Variants in HSPG2 observed in about 807,000 individuals in gnomAD.
HSPG2 encodes heparan sulfate proteoglycan 2.
A neutral mutation model predicts 526.6 loss-of-function variants in HSPG2; 278 were observed. That is an observed-to-expected ratio of 0.53 (90% confidence interval 0.48 to 0.58). The LOEUF (loss-of-function observed/expected upper bound fraction) is 0.58, where lower values mean the gene tolerates loss of function less well. Ranked by LOEUF, HSPG2 falls within the 20% of genes least tolerant of loss-of-function variation. The pLI, the probability that HSPG2 is intolerant of heterozygous loss-of-function variation, is 0.00. For missense variants in HSPG2, 5,354 were observed against 6,099.5 expected (o/e 0.88, Z 4.07); for synonymous variants, 2,465 against 2,555.4 (o/e 0.96, Z 1.07).
chr1:21,844,740 A>G (rs564483367), intron 64 of HSPG2, among the ~76,000 whole-genome samples: 13 of 152,320 alleles, frequency 8.5e-5, no homozygotes, highest in African/African-American at 3.1e-4. Context: ...CCATCTGTAA[A>G]ATGGAGAGAA....
intron 3 of HSPG2, among the ~76,000 whole-genome samples, chr1:21,894,063 A>G (rs2152770648): frequency 6.6e-6 from 1 of 152,148 alleles, no homozygotes; most frequent in South Asian, 2.1e-4. Flanking sequence ...ACATGCCGAC[A>G]AGGGTCAGAG....
intron 3 of HSPG2, among the ~76,000 whole-genome samples, chr1:21,892,389 T>A (rs1433550179): frequency 6.6e-6 from 1 of 152,250 alleles, no homozygotes; most frequent in Non-Finnish European, 1.5e-5. Flanking sequence ...TGCCCGCTCC[T>A]GGGGAAGGGG....
chr1:21,878,538 A>G (rs1224993061), intron 19 of HSPG2, 39 bp downstream of exon 19: 2 of 1,613,810 alleles, frequency 1.2e-6, no homozygotes, highest in African/African-American at 2.7e-5. Context: ...GACCCCACCC[A>G]GGAGCCCCCT....
chr1:21,842,903 G>A lies in HSPG2; in HGVS notation c.8777C>T (p.Pro2926Leu), dbSNP rs747645588. ...GPIPAPGLAQ[P>L]IYIEASSSHV... The stretch of plus-strand genomic sequence containing the variant: ...TGAAGAGGAGGCCTCGATGTAGATG[G>A]GCTGGGCCAGTCCTGGAGCTGTGGG... The change falls in exon 67 of 97, where the codon CCC becomes CTC. Residue 2926 changes from proline to leucine, a missense_variant. By Grantham distance (98) the Pro-to-Leu change is moderately conservative. Coordinates refer to ENST00000374695, the MANE Select transcript of HSPG2 (RefSeq NM_005529.7). The A allele has an allele frequency of 1.9e-6, 3 of 1,614,034 alleles. No individual in the cohort carries two copies. The Admixed American group carries it at 5.0e-5, about 27-fold the overall frequency.
chr1:21,930,321 G>A (rs72662467), intron 1 of HSPG2, among the ~76,000 whole-genome samples: 3,437 of 152,080 alleles, frequency 0.023, 59 homozygotes, highest in Non-Finnish European at 0.033. Flanking sequence ...TACCTACCCC[G>A]CCTCATCACT....
intron 3 of HSPG2, among the ~76,000 whole-genome samples, chr1:21,892,846 G>A (rs373919310): frequency 8.0e-6 from 1 of 124,938 alleles, no homozygotes; most frequent in African/African-American, 3.1e-5. Flanking sequence ...CTGGGTGACA[G>A]AGTGAGACTC....
Position 21,865,306 on chromosome 1 carries a change from G to GCTC in HSPG2, c.4371_4373dup (p.Arg1457dup), listed in dbSNP as rs774410187. The GCTC allele has an allele frequency of 1.2e-6, 2 of 1,614,062 alleles. No homozygotes were observed. Among genetic ancestry groups the GCTC allele is most frequent in the South Asian group, 2.2e-5 (2 of 91,068 alleles). On this transcript the variant is annotated inframe_insertion, in exon 35 of 97. Transcript: ENST00000374695. This position sits in a 1 kb window ranked among gnomAD's most constrained non-coding sequence, Gnocchi z 5.4. ...TTACCTCTCGGAACATGATCTCGTA[G>GCTC]CTCCTCCTCTCAGGGCCCTGCAGCG...
intron 1 of HSPG2, among the ~76,000 whole-genome samples, chr1:21,920,249 G>A (rs932738593): frequency 1.1e-4 from 17 of 152,258 alleles, no homozygotes; most frequent in African/African-American, 3.9e-4. Flanking sequence ...GTCCACTGAG[G>A]TTGAGGGGTT....
chr1:21,839,429 G>A lies in HSPG2; in HGVS notation c.9831C>T (p.Ile3277=). The change falls in exon 73 of 97, where the codon ATC becomes ATT. Residue 3277 remains isoleucine (I), a synonymous_variant. Transcript: ENST00000374695. This position sits in a 1 kb window ranked among gnomAD's most constrained non-coding sequence, Gnocchi z 4.5. ...RVAQQDSGQY[I]CNATSPAGHA... is the part of the protein sequence containing the mutation. ...GCCCAGCAGGGCTAGTGGCATTGCA[G>A]ATGTACTGGCCCGAGTCCTGCTGGG... 1 of 1,614,060 alleles carries A rather than the reference G, an allele frequency of 6.2e-7. No individual in the cohort carries two copies. The highest frequency in any genetic ancestry group is 8.5e-7 in the Non-Finnish European group (1 of 1,179,998).
intron 75 of HSPG2, among the ~76,000 whole-genome samples, chr1:21,836,163 G>A (rs1164056702): frequency 2.0e-5 from 3 of 152,110 alleles, no homozygotes; most frequent in Admixed American, 2.0e-4. Context: ...AGATTACACA[G>A]TTATCAAGTA....
At position 21,864,799 on chromosome 1, in the gene HSPG2, C is replaced by T. The variant is rs759184804; in HGVS notation, c.4626+44G>A. ...ACGCCGGCTGATTTGCTTGCTGATG[C>T]CTCTGTGCCTGTGCAGAGGTGGTGG... is the stretch of plus-strand genomic sequence containing the variant. On this transcript the variant is annotated intron_variant, in intron 36 of 96. Transcript: ENST00000374695. This position sits in a 1 kb window ranked among gnomAD's most constrained non-coding sequence, Gnocchi z 4.8. The T allele has an allele frequency of 1.2e-5, 18 of 1,513,364 alleles. No homozygotes were observed. The highest frequency in any genetic ancestry group is 1.6e-5 in the Non-Finnish European group (18 of 1,102,784). The allele number at this position is 1,513,364 out of a possible 1,614,324, so 93.7% of individuals were successfully genotyped here.
At chr1:21,857,448 T>A (rs548612790) in intron 42 of HSPG2, 63 bp from the exon 43 acceptor site, 2 of 1,442,082 alleles carry the variant, frequency 1.4e-6, no homozygotes, top group African/African-American at 2.8e-5. Context: ...TGTGGCCACT[T>A]TGTCTTTCTC....
chr1:21,856,428 A>AT (rs1207035028), intron 44 of HSPG2, among the ~76,000 whole-genome samples: 1 of 150,638 alleles, frequency 6.6e-6, no homozygotes, highest in African/African-American at 2.5e-5. Context: ...TATTTTATTT[A>AT]TTTTTCTGAG....
In HSPG2 at chr1:21,828,552, G is replaced by T. The variant is rs571263298; in HGVS notation, c.12238-126C>A. 41 of 1,039,390 alleles carry T rather than the reference G, an allele frequency of 3.9e-5. No individual in the cohort carries two copies. Among genetic ancestry groups the T allele is most frequent in the Non-Finnish European group, 5.0e-5 (35 of 703,358 alleles). The allele number at this position is 1,039,390 out of a possible 1,614,324, so 64.4% of individuals were successfully genotyped here. A position where few individuals can be genotyped will look rare whatever the true frequency, so the allele number is the denominator to read the frequency against. On this transcript the variant is annotated intron_variant, in intron 88 of 96. Transcript: ENST00000374695. This position sits in a 1 kb window ranked among gnomAD's most constrained non-coding sequence, Gnocchi z 6.0. ...ACATTGGGCCCTGAGTGGTAGCATG[G>T]ATTCTCGGTGTGGGGAGGGAGGCGC...
In HSPG2 at chr1:21,828,222, C is replaced by T. The variant is rs780204445; in HGVS notation, c.12409+33G>A. On this transcript the variant is annotated intron_variant, in intron 89 of 96. Transcript: ENST00000374695. The surrounding 1 kb of genome is among the most constrained non-coding windows in gnomAD (Gnocchi z 6.0). ...GAGGTGTCGCTGACCACCTGTGCCC[C>T]TCCCCTCCGGTGCCCTGGGCAGGCT... The T allele has an allele frequency of 6.2e-7, 1 of 1,613,158 alleles. No homozygotes were observed. The highest frequency in any genetic ancestry group is 1.1e-5 in the South Asian group (1 of 91,074).
In HSPG2 at chr1:21,879,129, A is replaced by G. The variant is rs748540440; in HGVS notation, c.2344-8T>C. The G allele has an allele frequency of 6.2e-7, 1 of 1,614,142 alleles. No homozygotes were observed. The highest frequency in any genetic ancestry group is 2.2e-5 in the East Asian group (1 of 44,880). ...CGTGTTGTGCTGGCAATTCTAGAAG[A>G]AGGAGGAGGGTATGGCTCAACTTCT... On this transcript the variant is annotated splice_region_variant and splice_polypyrimidine_tract_variant and intron_variant, in intron 17 of 96. Coordinates refer to ENST00000374695, the MANE Select transcript of HSPG2 (RefSeq NM_005529.7).
chr1:21,865,204 AG>A lies in HSPG2; in HGVS notation c.4395+80del. 6.6e-7 allele frequency: 1 copy of A among 1,514,586 alleles called. No individual in the cohort carries two copies. The allele number at this position is 1,514,586 out of a possible 1,614,324, so 93.8% of individuals were successfully genotyped here. ...AGGTGAAGGTTGGGGAGCGAGAGAC[AG>A]GGTGGGTATCAAAGCCAGGCTCTGA... On this transcript the variant is annotated intron_variant, in intron 35 of 96. Coordinates refer to ENST00000374695, the MANE Select transcript of HSPG2 (RefSeq NM_005529.7). The surrounding 1 kb of genome is among the most constrained non-coding windows in gnomAD (Gnocchi z 5.4).
chr1:21,913,539 C>T (rs1643779045), intron 1 of HSPG2, among the ~76,000 whole-genome samples: 1 of 152,200 alleles, frequency 6.6e-6, no homozygotes, highest in Admixed American at 6.5e-5. Context: ...AACCTGGACC[C>T]ACTCTCTGCT....
rs1435043407 is a variant in HSPG2 at position 21,896,170 on chromosome 1, C to G, written c.199+5G>C. 1 of 1,613,800 alleles carries G rather than the reference C, an allele frequency of 6.2e-7. No individual in the cohort carries two copies. Among genetic ancestry groups the G allele is most frequent in the Non-Finnish European group, 8.5e-7 (1 of 1,179,996 alleles). ...TCTGCTCCCAGCCTTGGATCCTTGG[C>G]TCACCTCCTGAGATGCTGTCAGCCA... On this transcript the variant is annotated splice_donor_5th_base_variant and intron_variant, in intron 2 of 96. Transcript: ENST00000374695.
Sources: gnomAD v4.1 joint callset for allele counts (sites outside exome capture counted in the v4.1 genomes callset) on GRCh38, gnomAD v4.1.1 for gene constraint, Gnocchi (gnomAD v3.1) non-coding constraint, MANE v1.5 for transcripts, NCBI Gene and HGNC (gene_info 2026-07-23, HGNC 2026-07-21) for gene names.